ZNF547: variants seen among roughly 807,000 people sequenced by gnomAD.
The protein encoded by ZNF547 is zinc finger protein 547.
A neutral mutation model predicts 7.7 loss-of-function variants in ZNF547; 4 were observed. The ratio of observed to expected loss-of-function variants is 0.52; its 90% CI spans 0.26 to 1.20. ZNF547 has a LOEUF of 1.20. Ranked by LOEUF, ZNF547 falls within the 50% of genes most tolerant of loss-of-function variation. ZNF547 has a pLI of 0.14. For synonymous variants in ZNF547, 166 were observed against 166.2 expected (o/e 1.00, Z 0.01); for missense variants, 449 against 485.8 (o/e 0.92, Z 0.71).
At position 57,377,703 on chromosome 19, in the gene ZNF547, A is replaced by G. The variant is rs2088546313; in HGVS notation, c.727A>G (p.Ser243Gly). ...CTCTGGAGAAAGGCCTTATGAGTGC[A>G]GTGAATGTGGGAAATTGTTTATGTG... is the stretch of plus-strand genomic sequence containing the variant. Reference protein sequence around the residue: ...IHSGERPYECSECGKLFMWSS... With the variant: ...IHSGERPYECGECGKLFMWSS... Residue 243 changes from serine to glycine, a missense_variant, in exon 4 of 4, where the codon AGT (serine) becomes GGT (glycine). Transcript: ENST00000282282. 1.2e-6 allele frequency: 2 copies of G among 1,612,574 alleles called. No individual in the cohort carries two copies. The highest frequency in any genetic ancestry group is 1.3e-5 in the African/African-American group (1 of 74,932).
intron 3 of ZNF547, 111 bp downstream of exon 3, chr19:57,372,019 T>A: frequency 1.4e-6 from 2 of 1,438,226 alleles, no homozygotes; most frequent in Non-Finnish European, 1.8e-6. Flanking sequence ...CTTCTTTTCC[T>A]TGTTTCCTGA....
chr19:57,368,897 G>GACT lies in ZNF547; in HGVS notation c.24+319_24+320insCTA, dbSNP rs1322752591. On this transcript the variant is annotated intron_variant, in intron 2 of 3. Transcript: ENST00000282282. Reference sequence around the variant, plus strand: ...ATTAAGAATGTTTCAGTGTTTAGAGGAGAGACTGAACTGGATTTTTAGGGA... The same window carrying GACT: ...ATTAAGAATGTTTCAGTGTTTAGAGGACTAGAGACTGAACTGGATTTTTAGGGA... 2.0e-5 allele frequency among the ~76,000 whole-genome samples: 3 copies of GACT among 152,188 alleles called. No homozygotes were observed. The East Asian group carries it at 5.8e-4, about 29-fold the overall frequency.
At chr19:57,376,303 A>G (rs1037563415) in intron 3 of ZNF547, among the ~76,000 whole-genome samples, 9 of 152,096 alleles carry the variant, frequency 5.9e-5, no homozygotes, top group Non-Finnish European at 1.5e-5. Context: ...ACAATTCAAG[A>G]TGAGATCTGG....
At chr19:57,375,292 A>G (rs1022291766) in intron 3 of ZNF547, among the ~76,000 whole-genome samples, 1 of 151,880 alleles carries the variant, frequency 6.6e-6, no homozygotes, top group South Asian at 2.1e-4. Flanking sequence ...GGAAGTTGCA[A>G]TGAGCTGAGA....
chr19:57,373,848 G>T (rs1353856830), intron 3 of ZNF547, among the ~76,000 whole-genome samples: 3 of 152,202 alleles, frequency 2.0e-5, no homozygotes, highest in African/African-American at 7.2e-5. Context: ...TGGCTTTGCA[G>T]GGTACAGACC....
Position 57,378,193 on chromosome 19 carries a change from A to G in ZNF547, c.*8A>G, listed in dbSNP as rs1311726299. On this transcript the variant is annotated 3_prime_UTR_variant, in exon 4 of 4. Coordinates refer to ENST00000282282, the MANE Select transcript of ZNF547 (RefSeq NM_173631.4). The stretch of plus-strand genomic sequence containing the variant: ...AAAGTCCACACTGGATAAGGCCCTT[A>G]TGAATGCAGTGGATATGGGAAAGCC... 6.3e-7 allele frequency: 1 copy of G among 1,598,374 alleles called. No individual in the cohort carries two copies. Among genetic ancestry groups the G allele is most frequent in the Non-Finnish European group, 8.5e-7 (1 of 1,170,112 alleles).
intron 1 of ZNF547, 64 bp from the exon 2 acceptor site, chr19:57,368,480 T>A (rs371997262): frequency 5.3e-6 from 8 of 1,505,096 alleles, no homozygotes; most frequent in Non-Finnish European, 7.4e-6. Context: ...GAGATGGTGG[T>A]CCAACTCTGC....
chr19:57,377,857 G>C lies in ZNF547; in HGVS notation c.881G>C (p.Arg294Thr). The change falls in exon 4 of 4, where the codon AGG becomes ACG. Residue 294 changes from arginine to threonine, a missense_variant. Transcript: ENST00000282282. ...FRHYRIHTGKRSYGCSECGKF... is the reference protein window; with the variant it reads ...FRHYRIHTGKTSYGCSECGKF... ...CATTACAGAATTCATACAGGAAAAA[G>C]GTCTTATGGTTGCAGTGAATGTGGG... 2.5e-6 allele frequency: 4 copies of C among 1,613,678 alleles called. No individual in the cohort carries two copies. The highest frequency in any genetic ancestry group is 3.4e-6 in the Non-Finnish European group (4 of 1,179,926).
chr19:57,366,546 T>G (rs1345646548), intron 1 of ZNF547, among the ~76,000 whole-genome samples: 2 of 104,886 alleles, frequency 1.9e-5, no homozygotes, highest in East Asian at 5.0e-4. Flanking sequence ...TCAGATAAAT[T>G]GTTTTTTTTT....
chr19:57,366,709 C>T (rs2088473180), intron 1 of ZNF547, among the ~76,000 whole-genome samples: 1 of 140,762 alleles, frequency 7.1e-6, no homozygotes, highest in South Asian at 2.4e-4. Context: ...CCATACCCGG[C>T]CCAGATAGGT....
Position 57,378,661 on chromosome 19 carries a change from C to A in ZNF547, c.*476C>A. 1 of 365,364 alleles carries A rather than the reference C, an allele frequency of 2.7e-6. No homozygotes were observed. The highest frequency in any genetic ancestry group is 5.4e-6 in the Non-Finnish European group (1 of 186,876). The allele number at this position is 365,364 out of a possible 1,614,324, so 22.6% of individuals were successfully genotyped here. On this transcript the variant is annotated 3_prime_UTR_variant, in exon 4 of 4. Coordinates refer to ENST00000282282, the MANE Select transcript of ZNF547 (RefSeq NM_173631.4). ...CAACACCCAGAAATCTGTGATTTAG[C>A]ACTGAGAACTAGTATTATATGGTTT...
At chr19:57,365,070 G>C (rs765039732) in intron 1 of ZNF547, 1 of 1,610,592 alleles carries the variant, frequency 6.2e-7, no homozygotes, top group Admixed American at 1.7e-5. Flanking sequence ...TCACCGCGGG[G>C]CATATGAGGT....
At chr19:57,374,017 G>T (rs1178996039) in intron 3 of ZNF547, among the ~76,000 whole-genome samples, 2 of 152,196 alleles carry the variant, frequency 1.3e-5, no homozygotes, top group Non-Finnish European at 2.9e-5. Context: ...CTGTGTGGGG[G>T]CTCCGACCCC....
chr19:57,365,027 A>G (rs150190373), intron 1 of ZNF547: 24 of 1,612,332 alleles, frequency 1.5e-5, no homozygotes, highest in Middle Eastern at 1.7e-4. Flanking sequence ...AAAACTGTGG[A>G]CAAGTTCAAC....
At chr19:57,369,880 GT>G (rs2088493191) in intron 2 of ZNF547, among the ~76,000 whole-genome samples, 1 of 127,172 alleles carries the variant, frequency 7.9e-6, no homozygotes, top group South Asian at 2.8e-4. Flanking sequence ...AAGAAAAGAA[GT>G]TTAATTGACT....
At position 57,377,398 on chromosome 19, in the gene ZNF547, C is replaced by T. The variant is rs201194074; in HGVS notation, c.422C>T (p.Pro141Leu). 1.8e-4 allele frequency: 291 copies of T among 1,614,056 alleles called. No individual in the cohort carries two copies. The highest frequency in any genetic ancestry group is 2.4e-4 in the Non-Finnish European group (279 of 1,180,056). ...CTTTCTAGAGGGGATGGAGGAAGACCGACATTTGTGAAGAACCACAGAGTT... is the reference window on the plus strand; with the variant it reads ...CTTTCTAGAGGGGATGGAGGAAGACTGACATTTGTGAAGAACCACAGAGTT... ...EKLSRGDGGR[P>L]TFVKNHRVHM... The change falls in exon 4 of 4, where the codon CCG (proline) becomes CTG (leucine). Residue 141 changes from proline to leucine, a missense_variant. By Grantham distance (98) the Pro-to-Leu change is moderately conservative (BLOSUM62 -3). Transcript: ENST00000282282.
chr19:57,364,567 C>G, intron 1 of ZNF547: 2 of 512,622 alleles, frequency 3.9e-6, no homozygotes, highest in Non-Finnish European at 7.0e-6. Context: ...ATGGTGAAAC[C>G]CCGTCTTTAG....
chr19:57,375,594 G>A (rs975047752), intron 3 of ZNF547, among the ~76,000 whole-genome samples: 2 of 150,004 alleles, frequency 1.3e-5, no homozygotes, highest in African/African-American at 2.5e-5. Context: ...CCCAGGAAGC[G>A]GAGGTTGCGG....
At chr19:57,374,067 T>C (rs1253829849) in intron 3 of ZNF547, among the ~76,000 whole-genome samples, 8 of 150,840 alleles carry the variant, frequency 5.3e-5, no homozygotes, top group Admixed American at 2.0e-4. Flanking sequence ...AGGTTCTCCG[T>C]GAGTTCCACC....
Sources: allele counts gnomAD v4.1 joint callset (sites outside exome capture counted in the v4.1 genomes callset), GRCh38; gene constraint gnomAD v4.1.1; transcripts MANE v1.5; gene names NCBI Gene and HGNC (gene_info 2026-07-23, HGNC 2026-07-21).